TNRC18: variants seen among roughly 807,000 people sequenced by gnomAD.
TNRC18 encodes the protein trinucleotide repeat-containing gene 18 protein.
In TNRC18, 69 loss-of-function variants were observed where a neutral mutation model predicts 226.7. The observed-to-expected ratio is 0.30, with a 90% CI of 0.25 to 0.37. The LOEUF (loss-of-function observed/expected upper bound fraction) is 0.37, where lower values mean the gene tolerates loss of function less well. TNRC18 is among the 10% of genes least tolerant of loss of function. The pLI is 1.00. For synonymous variants in TNRC18, 2,449 were observed against 1,927.6 expected, an observed-to-expected ratio of 1.27 and a Z score of -7.09; for missense variants, 4,754 against 4,256.6, an observed-to-expected ratio of 1.12 and a Z score of -3.25.
intron 16 of TNRC18, among the ~76,000 whole-genome samples, chr7:5,356,155 C>T (rs1217380693): frequency 6.8e-6 from 1 of 146,560 alleles, no homozygotes; most frequent in Non-Finnish European, 1.5e-5. Flanking sequence ...CAGAGTGAGA[C>T]TCCGTCTCAA....
intron 2 of TNRC18, among the ~76,000 whole-genome samples, chr7:5,413,556 C>T (rs939513631): frequency 6.6e-6 from 1 of 152,212 alleles, no homozygotes. Context: ...CACAGGGTCT[C>T]ACTCTGTTGC....
chr7:5,313,004 TGAGGAG>T lies in TNRC18; in HGVS notation c.7881_7886del (p.Ser2670_Ser2671del), dbSNP rs753861831. The T allele has an allele frequency of 2.1e-3, 1,569 of 749,570 alleles. 4 individuals carry two copies. Among genetic ancestry groups the T allele is most frequent in the Admixed American group, 0.011 (438 of 39,112 alleles). 46.4% of individuals were successfully genotyped at this position (749,570 alleles called of 1,614,324 possible). A position where few individuals can be genotyped will look rare whatever the true frequency, so the allele number is the denominator to read the frequency against. The stretch of plus-strand genomic sequence containing the variant: ...AAGAGGAGGAGGAGGAAGAGGAGGA[TGAGGAG>T]GAGGAGGAGGAGGAGGAGGAGGATG... On this transcript the variant is annotated inframe_deletion, in exon 27 of 30. Coordinates refer to ENST00000430969, the MANE Select transcript of TNRC18 (RefSeq NM_001080495.3).
chr7:5,406,129 C>T (rs987625912), intron 2 of TNRC18, among the ~76,000 whole-genome samples: 1 of 152,126 alleles, frequency 6.6e-6, no homozygotes, highest in African/African-American at 2.4e-5. Flanking sequence ...CGTGGATGTA[C>T]CTTGAGGACA....
chr7:5,342,857 A>C (rs753976587), intron 18 of TNRC18, among the ~76,000 whole-genome samples: 1 of 152,178 alleles, frequency 6.6e-6, no homozygotes, highest in African/African-American at 2.4e-5. Context: ...TCGATGTGGC[A>C]AACTTCACTG....
At chr7:5,333,706 C>T (rs1016917510) in intron 18 of TNRC18, among the ~76,000 whole-genome samples, 7 of 152,194 alleles carry the variant, frequency 4.6e-5, no homozygotes, top group Admixed American at 3.9e-4. Flanking sequence ...CCCACTCATT[C>T]CCAGCTGCAA....
At chr7:5,332,533 C>T (rs1449383651) in intron 19 of TNRC18, 89 bp downstream of exon 19, 18 of 1,397,404 alleles carry the variant, frequency 1.3e-5, no homozygotes, top group Non-Finnish European at 1.7e-5. Context: ...ACAGTGAAGC[C>T]GCTTCCCTAG....
chr7:5,415,769 G>C (rs936161192), intron 2 of TNRC18, among the ~76,000 whole-genome samples: 3 of 151,914 alleles, frequency 2.0e-5, no homozygotes, highest in Admixed American at 1.3e-4. Context: ...GTTGTCCAGG[G>C]AAAGTTGGCA....
At chr7:5,359,106 G>C (rs180967565) in intron 15 of TNRC18, among the ~76,000 whole-genome samples, 369 of 152,286 alleles carry the variant, frequency 2.4e-3, no homozygotes, top group Non-Finnish European at 4.2e-3. Flanking sequence ...AAGAACTTGT[G>C]TCTCTCCTTG....
In TNRC18 at chr7:5,332,661, C is replaced by T. The variant is rs763022657; in HGVS notation, c.6108G>A (p.Lys2036=). The T allele has an allele frequency of 9.1e-6, 14 of 1,530,966 alleles. No homozygotes were observed. In the East Asian group the frequency reaches 2.3e-4, roughly 25 times the overall value. The allele number at this position is 1,530,966 out of a possible 1,614,324, so 94.8% of individuals were successfully genotyped here. ...CAKGGPLSPR[K]DAGRAKDRKD... is the part of the protein sequence containing the mutation. Reference sequence around the variant, plus strand: ...TCCTGTCCTTTGCACGCCCGGCGTCCTTGCGCGGGCTCAGGGGGCCGCCCT... The same window carrying T: ...TCCTGTCCTTTGCACGCCCGGCGTCTTTGCGCGGGCTCAGGGGGCCGCCCT... The change falls in exon 19 of 30, where the codon AAG becomes AAA. Residue 2036 remains lysine (K), a synonymous_variant. Transcript: ENST00000430969.
chr7:5,385,123 G>A (rs999266654), intron 5 of TNRC18, among the ~76,000 whole-genome samples: 1 of 152,244 alleles, frequency 6.6e-6, no homozygotes, highest in Non-Finnish European at 1.5e-5. Flanking sequence ...AAGTGGGAAG[G>A]GCACTGCAGG....
chr7:5,414,094 C>T (rs1782008777), intron 2 of TNRC18, among the ~76,000 whole-genome samples: 1 of 151,706 alleles, frequency 6.6e-6, no homozygotes, highest in African/African-American at 2.4e-5. Context: ...TTACAGGTGC[C>T]CTCCACCACA....
intron 2 of TNRC18, among the ~76,000 whole-genome samples, chr7:5,419,486 T>C (rs1469532469): frequency 1.3e-5 from 2 of 152,128 alleles, no homozygotes; most frequent in African/African-American, 4.8e-5. Flanking sequence ...CACATCACGG[T>C]GGACTTGTGG....
intron 11 of TNRC18, among the ~76,000 whole-genome samples, chr7:5,366,316 A>ATCTTT (rs1793616618): frequency 1.9e-5 from 1 of 53,686 alleles, no homozygotes; most frequent in African/African-American, 1.1e-4. Flanking sequence ...CTCTTCTTAT[A>ATCTTT]TCTTTTTTTT....
intron 26 of TNRC18, among the ~76,000 whole-genome samples, chr7:5,314,554 A>C (rs1787644145): frequency 7.3e-6 from 1 of 137,476 alleles, no homozygotes; most frequent in Admixed American, 7.4e-5. Context: ...GCAGGTGCAG[A>C]GTTCTCTTCT....
In TNRC18 at chr7:5,377,969, T is replaced by C. The variant is rs1201443687; in HGVS notation, c.2208A>G (p.Glu736=). The change falls in exon 6 of 30, where the codon GAA becomes GAG. Residue 736 remains glutamate, a synonymous_variant. Coordinates refer to ENST00000430969, the MANE Select transcript of TNRC18 (RefSeq NM_001080495.3). This position sits in a 1 kb window ranked among gnomAD's most constrained non-coding sequence, Gnocchi z 5.8. The stretch of plus-strand genomic sequence containing the variant: ...GGTCCAGCCGTGCCCCGAGCAGCCG[T>C]TCCTCCCGGTGTCTGGCCCGGTCGT... ...CVDDRARHRE[E]RLLGARLDRD... The C allele has an allele frequency of 4.3e-6, 7 of 1,613,170 alleles. No individual in the cohort carries two copies. Among genetic ancestry groups the C allele is most frequent in the Non-Finnish European group, 5.1e-6 (6 of 1,179,756 alleles).
At chr7:5,423,369 TGG>T (rs1364669152) in intron 1 of TNRC18, 70 bp downstream of exon 1, 1 of 152,158 alleles carries the variant, frequency 6.6e-6, no homozygotes, top group African/African-American at 2.4e-5. Context: ...CAGGCGTGGT[TGG>T]GGGGCGAGCT....
rs1306264815 is a variant in TNRC18, at chr7:5,378,018, C to T, written c.2159G>A (p.Gly720Asp). 1 of 1,610,008 alleles carries T rather than the reference C, an allele frequency of 6.2e-7. No individual in the cohort carries two copies. Among genetic ancestry groups the T allele is most frequent in the Non-Finnish European group, 8.5e-7 (1 of 1,179,492 alleles). The change falls in exon 6 of 30, where the codon GGC becomes GAC. Residue 720 changes from glycine (G) to aspartate (D), a missense_variant. Transcript: ENST00000430969. ...SLSLSNVKGH[G>D]RADEDCVDDR... ...GTCCACACAGTCCTCATCTGCTCGG[C>T]CGTGCCCTGCAGGGGGCCAGGTGGA...
rs1381762071 is a variant in TNRC18 at position 5,388,958 on chromosome 7, C to A, written c.866G>T (p.Gly289Val). Residue 289 changes from glycine to valine, a missense_variant, in exon 5 of 30, where the codon GGG becomes GTG. By Grantham distance (109) the Gly-to-Val change is moderately radical. Transcript: ENST00000430969. ...CACCAGCGCGGGCAGCCCCACGTCCCCGGCGCCGCCGTTGCACATGGTCAG... is the reference window on the plus strand; with the variant it reads ...CACCAGCGCGGGCAGCCCCACGTCCACGGCGCCGCCGTTGCACATGGTCAG... ...SVLTMCNGGA[G>V]DVGLPALVAE... 5.8e-6 allele frequency: 8 copies of A among 1,386,488 alleles called. No homozygotes were observed. Among genetic ancestry groups the A allele is most frequent in the Non-Finnish European group, 7.5e-6 (8 of 1,065,010 alleles). 85.9% of individuals were successfully genotyped at this position (1,386,488 alleles called of 1,614,324 possible).
At position 5,377,551 on chromosome 7, in the gene TNRC18, C is replaced by A; in HGVS notation, c.2281G>T (p.Ala761Ser). The change falls in exon 7 of 30, where the codon GCC becomes TCC. Residue 761 changes from alanine to serine, a missense_variant. By Grantham distance (99) the Ala-to-Ser change is moderately conservative. Coordinates refer to ENST00000430969, the MANE Select transcript of TNRC18 (RefSeq NM_001080495.3). The surrounding 1 kb of genome is among the most constrained non-coding windows in gnomAD (Gnocchi z 5.8). ...GCACAGCTGGTAGGGTGCAGGCGGG[C>A]CAGGTCAGCCAGCTCCTTACTCTCT... is the stretch of plus-strand genomic sequence containing the variant. ...LRESKELADL[A>S]RLHPTSCAPN... is the part of the protein sequence containing the mutation. 1 of 1,585,494 alleles carries A rather than the reference C, an allele frequency of 6.3e-7. No homozygotes were observed. The highest frequency in any genetic ancestry group is 1.8e-5 in the Admixed American group (1 of 55,244).
Sources: gnomAD v4.1 joint callset for allele counts (sites outside exome capture counted in the v4.1 genomes callset) on GRCh38, gnomAD v4.1.1 for gene constraint, Gnocchi (gnomAD v3.1) non-coding constraint, MANE v1.5 for transcripts, NCBI Gene and HGNC (gene_info 2026-07-23, HGNC 2026-07-21) for gene names.